The following NALF2 variants were observed in gnomAD, a reference collection of about 807,000 sequenced individuals.
NALF2 encodes NALCN channel auxiliary factor 2.
A neutral mutation model predicts 24.8 loss-of-function variants in NALF2; 1 was observed. That is an observed-to-expected ratio of 0.04 (90% CI 0.01 to 0.19). The LOEUF (loss-of-function observed/expected upper bound fraction) is 0.19, where lower values mean the gene tolerates loss of function less well. NALF2 is among the 10% of genes least tolerant of loss of function. The pLI, the probability that NALF2 is intolerant of heterozygous loss-of-function variation, is 1.00. For synonymous variants in NALF2, 254 were observed against 189.8 expected (o/e 1.34, Z -2.78); for missense variants, 458 against 409.6 (o/e 1.12, Z -1.02).
At chrX:69,527,754 A>G (rs1331910094) in intron 1 of NALF2, among the ~76,000 whole-genome samples, 3 of 111,869 alleles carry the variant, frequency 2.7e-5, no homozygotes, top group Non-Finnish European at 3.8e-5. Flanking sequence ...GGCAAGGTGC[A>G]TGAGAGCCAT....
intron 2 of NALF2, 49 bp downstream of exon 2, chrX:69,529,213 AG>A (rs1315014166): frequency 8.7e-7 from 1 of 1,153,402 alleles, no homozygotes; most frequent in Non-Finnish European, 1.2e-6. Context: ...GGCCCAGGGC[AG>A]GCATCAGGTC....
Position 69,504,512 on chromosome X carries a change from C to T in NALF2, c.-771C>T, listed in dbSNP as rs1452522031. 2.6e-5 allele frequency among the ~76,000 whole-genome samples: 3 copies of T among 113,335 alleles called. No individual in the cohort carries two copies. The highest frequency in any genetic ancestry group is 9.6e-5 in the African/African-American group (3 of 31,327). On this transcript the variant is annotated 5_prime_UTR_variant, in exon 1 of 3. Transcript: ENST00000252338. ...CAGCCACAGCGGTGCGAACGAGAGG[C>T]GGAAGCGAGAGGCGCACTAAGTAAA... is the stretch of plus-strand genomic sequence containing the variant.
At chrX:69,522,979 G>T (rs1018988595) in intron 1 of NALF2, among the ~76,000 whole-genome samples, 1 of 112,529 alleles carries the variant, frequency 8.9e-6, no homozygotes, top group African/African-American at 3.2e-5. Flanking sequence ...TCTGGGAGCG[G>T]AGTGTACCGT....
In NALF2 at chrX:69,504,743, G is replaced by T. The variant is rs1406391180; in HGVS notation, c.-540G>T. The stretch of plus-strand genomic sequence containing the variant: ...GGAGGGCGCGAGCGAGGCAGGGAGC[G>T]GCGTGGAGCGGGCAGCGGGCGGACG... On this transcript the variant is annotated 5_prime_UTR_variant, in exon 1 of 3. Coordinates refer to ENST00000252338, the MANE Select transcript of NALF2 (RefSeq NM_015686.3). Among the ~76,000 whole-genome samples the T allele has an allele frequency of 2.7e-5, 3 of 110,141 alleles. No homozygotes were observed. Among genetic ancestry groups the T allele is most frequent in the African/African-American group, 9.8e-5 (3 of 30,458 alleles).
Position 69,505,826 on chromosome X carries a change from G to A in NALF2, c.544G>A (p.Ala182Thr). 8.3e-7 allele frequency: 1 copy of A among 1,208,577 alleles called. No homozygotes were observed. The highest frequency in any genetic ancestry group is 1.1e-6 in the Non-Finnish European group (1 of 894,313). ...LSRAPAEFPS[A>T]KKNLLKGHFR... Reference sequence around the variant, plus strand: ...CCGTGCCCCGGCCGAGTTCCCCTCCGCCAAAAAAAACTTGCTCAAAGGCCA... The same window carrying A: ...CCGTGCCCCGGCCGAGTTCCCCTCCACCAAAAAAAACTTGCTCAAAGGCCA... Residue 182 changes from alanine to threonine, a missense_variant, in exon 1 of 3, where the codon GCC (alanine) becomes ACC (threonine). By Grantham distance (58) the Ala-to-Thr change is moderately conservative (BLOSUM62 0). Coordinates refer to ENST00000252338, the MANE Select transcript of NALF2 (RefSeq NM_015686.3).
chrX:69,514,802 A>G (rs1185443178), intron 1 of NALF2, among the ~76,000 whole-genome samples: 1 of 112,328 alleles, frequency 8.9e-6, no homozygotes, highest in Non-Finnish European at 1.9e-5. Flanking sequence ...TTTCGATAAT[A>G]GCCATCTTGA....
At chrX:69,519,687 A>C (rs762016928) in intron 1 of NALF2, among the ~76,000 whole-genome samples, 1 of 112,456 alleles carries the variant, frequency 8.9e-6, no homozygotes, top group Non-Finnish European at 1.9e-5. Context: ...AGGACATGGA[A>C]ATACAGGGAC....
intron 1 of NALF2, among the ~76,000 whole-genome samples, chrX:69,514,651 G>T (rs1434186771): frequency 9.0e-6 from 1 of 111,495 alleles, no homozygotes; most frequent in East Asian, 2.8e-4. Context: ...CTGCCATCCT[G>T]TTTTCCACAA....
At chrX:69,525,209 C>T (rs1463221342) in intron 1 of NALF2, among the ~76,000 whole-genome samples, 1 of 111,968 alleles carries the variant, frequency 8.9e-6, no homozygotes, top group Non-Finnish European at 1.9e-5. Context: ...TCCACTGGGG[C>T]CTCCTCACCT....
intron 1 of NALF2, among the ~76,000 whole-genome samples, chrX:69,528,173 A>G (rs897115036): frequency 1.8e-5 from 2 of 111,697 alleles, no homozygotes; most frequent in African/African-American, 3.3e-5. Flanking sequence ...GGGCTTGATG[A>G]TAACCAAAGA....
intron 1 of NALF2, among the ~76,000 whole-genome samples, chrX:69,511,230 C>G (rs967092708): frequency 2.1e-4 from 23 of 109,200 alleles, no homozygotes; most frequent in African/African-American, 6.7e-4. Flanking sequence ...CATTACTCCC[C>G]CTATTCCCAT....
intron 1 of NALF2, among the ~76,000 whole-genome samples, chrX:69,526,579 T>C (rs960323828): frequency 7.1e-5 from 8 of 111,924 alleles, no homozygotes; most frequent in African/African-American, 2.6e-4. Flanking sequence ...CAACTCACAT[T>C]TTAGTGGGGC....
chrX:69,525,970 C>G (rs1050131201), intron 1 of NALF2, among the ~76,000 whole-genome samples: 3 of 111,161 alleles, frequency 2.7e-5, no homozygotes, highest in Non-Finnish European at 5.6e-5. Context: ...CCTCCTTTCA[C>G]TCTTTTCCCG....
In NALF2 at chrX:69,505,316, G is replaced by A; in HGVS notation, c.34G>A (p.Asp12Asn). ...FRGAWMWPGK[D>N]AAALTICCCC... ...GGGCGCTTGGATGTGGCCCGGGAAA[G>A]ACGCCGCCGCGCTGACTATCTGCTG... is the stretch of plus-strand genomic sequence containing the variant. Residue 12 changes from aspartate to asparagine, a missense_variant, in exon 1 of 3, where the codon GAC becomes AAC. Asp to Asn is a conservative substitution (Grantham distance 23). Coordinates refer to ENST00000252338, the MANE Select transcript of NALF2 (RefSeq NM_015686.3). 1 of 1,156,469 alleles carries A rather than the reference G, an allele frequency of 8.6e-7. No individual in the cohort carries two copies. Among genetic ancestry groups the A allele is most frequent in the African/African-American group, 1.8e-5 (1 of 55,497 alleles).
In NALF2 at chrX:69,530,069, AAAT is replaced by A; in HGVS notation, c.*114_*116del. 1.8e-6 allele frequency: 1 copy of A among 543,794 alleles called. No individual in the cohort carries two copies. The highest frequency in any genetic ancestry group is 2.8e-6 in the Non-Finnish European group (1 of 353,064). 44.8% of individuals were successfully genotyped at this position (543,794 alleles called of 1,213,427 possible). ...GTGTAGGATAAGGTGGGGGCGGGGGAAATGGGGGAATGACACATCCCCCCCAAC... is the reference window on the plus strand; with the variant it reads ...GTGTAGGATAAGGTGGGGGCGGGGGAGGGGGAATGACACATCCCCCCCAAC... On this transcript the variant is annotated 3_prime_UTR_variant, in exon 3 of 3. Transcript: ENST00000252338.
rs1338587856 is a variant in NALF2 at position 69,529,819 on chromosome X, C to T, written c.1282C>T (p.Pro428Ser). 8.3e-7 allele frequency: 1 copy of T among 1,211,858 alleles called. No homozygotes were observed. The highest frequency in any genetic ancestry group is 1.1e-6 in the Non-Finnish European group (1 of 895,419). ...LPVSGGSRLS[P>S]SRIRLCVLVL... ...GGTCTCTGGGGGCTCCCGCCTCAGC[C>T]CTAGCAGGATCCGGCTCTGCGTCCT... Residue 428 changes from proline to serine, a missense_variant, in exon 3 of 3, where the codon CCT (proline) becomes TCT (serine). Transcript: ENST00000252338.
chrX:69,523,476 C>T (rs771383055), intron 1 of NALF2, among the ~76,000 whole-genome samples: 6 of 112,236 alleles, frequency 5.3e-5, no homozygotes, highest in South Asian at 3.8e-4. Context: ...CATCTTGCCC[C>T]TCCCATTTCT....
rs374059268 is a variant in NALF2, at chrX:69,529,993, A to C, written c.*37A>C. The C allele has an allele frequency of 9.4e-7, 1 of 1,060,226 alleles. No homozygotes were observed. Among genetic ancestry groups the C allele is most frequent in the Non-Finnish European group, 1.3e-6 (1 of 788,934 alleles). The allele number at this position is 1,060,226 out of a possible 1,213,427, so 87.4% of individuals were successfully genotyped here. On this transcript the variant is annotated 3_prime_UTR_variant, in exon 3 of 3. Transcript: ENST00000252338. ...GAGGACAGACCTCCACCACACTGAC[A>C]TCAGCTCCAGCTCCCCCAGGTTGGG...
At position 69,505,369 on chromosome X, in the gene NALF2, G is replaced by A. The variant is rs766908471; in HGVS notation, c.87G>A (p.Pro29=). ...CCCCCCWAPR[P]SDKPCADSER... is the part of the protein sequence containing the mutation. ...GCTGCTGCTGCTGGGCTCCCAGGCC[G>A]AGCGACAAACCTTGCGCCGACTCCG... The change falls in exon 1 of 3, where the codon CCG becomes CCA. Residue 29 remains proline, a synonymous_variant. Transcript: ENST00000252338. The A allele has an allele frequency of 4.1e-5, 48 of 1,157,360 alleles. No homozygotes were observed. In the South Asian group the frequency reaches 5.4e-4, roughly 13 times the overall value.
Sources: gnomAD v4.1 joint callset for allele counts (sites outside exome capture counted in the v4.1 genomes callset) on GRCh38, gnomAD v4.1.1 for gene constraint, MANE v1.5 for transcripts, NCBI Gene and HGNC (gene_info 2026-07-23, HGNC 2026-07-21) for gene names.